RNFT2: variants seen among roughly 807,000 people sequenced by gnomAD.
RNFT2 encodes the protein E3 ubiquitin-protein ligase RNFT2.
A neutral mutation model predicts 53.0 loss-of-function variants in RNFT2; 36 were observed. That is an observed-to-expected ratio of 0.68 (90% CI 0.52 to 0.90). The LOEUF (loss-of-function observed/expected upper bound fraction) is 0.90. Ranked by LOEUF, RNFT2 falls within the 40% of genes least tolerant of loss-of-function variation. RNFT2 has a pLI of 0.00. For missense variants in RNFT2, 514 were observed against 585.6 expected, an observed-to-expected ratio of 0.88 and a Z score of 1.26; for synonymous variants, 260 against 253.2, an observed-to-expected ratio of 1.03 and a Z score of -0.26.
intron 6 of RNFT2, among the ~76,000 whole-genome samples, chr12:116,778,773 C>T (rs945728726): frequency 6.6e-6 from 1 of 152,198 alleles, no homozygotes; most frequent in African/African-American, 2.4e-5. Flanking sequence ...TCACTTGAAC[C>T]CGGGAGGTGG....
At chr12:116,840,421 C>T (rs568497146) in intron 10 of RNFT2, among the ~76,000 whole-genome samples, 7 of 152,184 alleles carry the variant, frequency 4.6e-5, no homozygotes, top group Non-Finnish European at 1.0e-4. Context: ...TTGGCCATGC[C>T]CATTCCACAA....
intron 6 of RNFT2, among the ~76,000 whole-genome samples, chr12:116,767,672 C>T (rs1872979509): frequency 6.6e-6 from 1 of 151,966 alleles, no homozygotes; most frequent in African/African-American, 2.4e-5. Context: ...CTCCGCCTCC[C>T]AGGTTCAAGC....
At chr12:116,846,305 C>A (rs755801652) in intron 10 of RNFT2, among the ~76,000 whole-genome samples, 1 of 152,130 alleles carries the variant, frequency 6.6e-6, no homozygotes, top group African/African-American at 2.4e-5. Context: ...CAAGGTCTCA[C>A]TCTGTCTCCC....
chr12:116,753,897 A>T (rs1470388462), intron 4 of RNFT2, 87 bp from the exon 5 acceptor site: 1 of 948,038 alleles, frequency 1.1e-6, no homozygotes, highest in East Asian at 2.4e-5. Flanking sequence ...GGGACCAGGG[A>T]TGTGCCTTTT....
At chr12:116,819,574 G>A (rs908553177) in intron 7 of RNFT2, among the ~76,000 whole-genome samples, 43 of 152,256 alleles carry the variant, frequency 2.8e-4, no homozygotes, top group African/African-American at 8.9e-4. Context: ...GGCCGGGCCA[G>A]CCCGCGCCGC....
chr12:116,762,500 G>A (rs868763508), intron 5 of RNFT2, among the ~76,000 whole-genome samples: 1 of 152,146 alleles, frequency 6.6e-6, no homozygotes, highest in Non-Finnish European at 1.5e-5. Context: ...AACTCAGGAG[G>A]CTGAGGCGGG....
At chr12:116,747,824 G>A (rs935974252) in intron 3 of RNFT2, among the ~76,000 whole-genome samples, 1 of 152,058 alleles carries the variant, frequency 6.6e-6, no homozygotes, top group African/African-American at 2.4e-5. Flanking sequence ...ACACATGCAC[G>A]TCGAGCACAT....
chr12:116,784,500 C>T (rs187063098), intron 7 of RNFT2, among the ~76,000 whole-genome samples: 1 of 152,272 alleles, frequency 6.6e-6, no homozygotes, highest in African/African-American at 2.4e-5. Context: ...ACATGGCTGC[C>T]TAGGGAGGCT....
intron 10 of RNFT2, among the ~76,000 whole-genome samples, chr12:116,843,505 A>AG (rs1163701409): frequency 2.0e-5 from 3 of 149,862 alleles, no homozygotes; most frequent in Non-Finnish European, 4.4e-5. Flanking sequence ...AAAAAAAAAA[A>AG]AAAAAAAAAA....
chr12:116,794,492 G>A (rs1019105323), intron 7 of RNFT2, among the ~76,000 whole-genome samples: 8 of 151,352 alleles, frequency 5.3e-5, no homozygotes, highest in African/African-American at 2.0e-4. Flanking sequence ...CAGCTACGCG[G>A]GAGGCTGAGG....
chr12:116,826,747 A>G (rs983887403), intron 7 of RNFT2, among the ~76,000 whole-genome samples: 1 of 152,198 alleles, frequency 6.6e-6, no homozygotes, highest in African/African-American at 2.4e-5. Context: ...AGTTGACTTG[A>G]GTAATAAGGA....
rs550729480 is a variant in RNFT2 at position 116,784,200 on chromosome 12, T to C, written c.882+4852T>C. Among the ~76,000 whole-genome samples the C allele has an allele frequency of 9.3e-4, 142 of 152,360 alleles. 1 individual carries two copies. Among genetic ancestry groups the C allele is most frequent in the Non-Finnish European group, 1.5e-3 (103 of 68,028 alleles). ...CATTGTACAGATTCACTTCTGTAAG[T>C]AGACTCAGAGATGAGAGTACAAAGC... On this transcript the variant is annotated intron_variant, in intron 7 of 10. Coordinates refer to ENST00000257575, the MANE Select transcript of RNFT2 (RefSeq NM_001382266.1).
Position 116,743,565 on chromosome 12 carries a change from G to A in RNFT2, c.83+2471G>A, listed in dbSNP as rs548134413. Reference sequence around the variant, plus strand: ...TTACAGGCATGAGCCACTGCACCCAGCCTAGAATTTATATCTATTGAAACC... The same window carrying A: ...TTACAGGCATGAGCCACTGCACCCAACCTAGAATTTATATCTATTGAAACC... On this transcript the variant is annotated intron_variant, in intron 3 of 10. Transcript: ENST00000257575. 4.6e-5 allele frequency among the ~76,000 whole-genome samples: 7 copies of A among 152,234 alleles called. No homozygotes were observed. In the South Asian group the frequency reaches 1.2e-3, roughly 27 times the overall value.
chr12:116,743,348 CT>C (rs1402336384), intron 3 of RNFT2, among the ~76,000 whole-genome samples: 3 of 149,958 alleles, frequency 2.0e-5, no homozygotes, highest in Non-Finnish European at 4.4e-5. Context: ...CTCACTACAA[CT>C]TCCGCCTCCT....
chr12:116,821,315 C>T (rs778597524), intron 7 of RNFT2, among the ~76,000 whole-genome samples: 10 of 152,108 alleles, frequency 6.6e-5, no homozygotes, highest in South Asian at 2.1e-4. Flanking sequence ...CCCTCCTGGC[C>T]GGGCGCTGCT....
intron 10 of RNFT2, among the ~76,000 whole-genome samples, chr12:116,847,549 CAG>C (rs1388786074): frequency 6.9e-6 from 1 of 144,998 alleles, no homozygotes; most frequent in Non-Finnish European, 1.5e-5. Context: ...TTTTTTGAGG[CAG>C]AGTTTTGCTC....
At chr12:116,811,948 T>C (rs1295898682) in intron 7 of RNFT2, among the ~76,000 whole-genome samples, 1 of 152,194 alleles carries the variant, frequency 6.6e-6, no homozygotes, top group East Asian at 1.9e-4. Flanking sequence ...ATCCTGCCTT[T>C]GCCACTAGCT....
At chr12:116,752,737 G>T (rs1392113376) in intron 4 of RNFT2, among the ~76,000 whole-genome samples, 2 of 152,126 alleles carry the variant, frequency 1.3e-5, no homozygotes, top group East Asian at 3.9e-4. Context: ...AATTAGCCAG[G>T]TGTGGTGGCA....
At chr12:116,770,834 G>A (rs141288077) in intron 6 of RNFT2, among the ~76,000 whole-genome samples, 7 of 152,210 alleles carry the variant, frequency 4.6e-5, no homozygotes, top group Admixed American at 2.6e-4. Flanking sequence ...GCTCACAGGT[G>A]TGAGCCATTG....
Sources: gnomAD v4.1 joint callset for allele counts (sites outside exome capture counted in the v4.1 genomes callset) on GRCh38, gnomAD v4.1.1 for gene constraint, MANE v1.5 for transcripts, NCBI Gene and HGNC (gene_info 2026-07-23, HGNC 2026-07-21) for gene names.